Variants in TRUB2 observed in about 807,000 individuals in gnomAD.
TRUB2 encodes the protein pseudouridylate synthase TRUB2, mitochondrial.
Under a neutral mutation model 31.9 loss-of-function variants are expected in TRUB2, and 31 were observed. The observed-to-expected ratio is 0.97, with a 90% CI of 0.73 to 1.31. TRUB2 has a LOEUF of 1.31. TRUB2 is among the 50% of genes most tolerant of loss of function. The pLI, the probability that TRUB2 is intolerant of heterozygous loss-of-function variation, is 0.00. For synonymous variants in TRUB2, 201 were observed against 182.6 expected (o/e 1.10, Z -0.81); for missense variants, 451 against 439.6 (o/e 1.03, Z -0.23).
In TRUB2 at chr9:128,309,402, C is replaced by CA; in HGVS notation, c.*147dup. ...AGAAGTTTTTCCTTCTCAGTTGGGT[C>CA]AAGTCCATTGACCTTTCTGTTACAG... On this transcript the variant is annotated 3_prime_UTR_variant, in exon 8 of 8. Transcript: ENST00000372890. 1.2e-6 allele frequency: 1 copy of CA among 823,490 alleles called. No individual in the cohort carries two copies. Among genetic ancestry groups the CA allele is most frequent in the South Asian group, 1.8e-5 (1 of 56,074 alleles). 51.0% of individuals were successfully genotyped at this position (823,490 alleles called of 1,614,324 possible). A position where few individuals can be genotyped will look rare whatever the true frequency, so the allele number is the denominator to read the frequency against.
At chr9:128,319,142 T>C (rs1001238479) in intron 2 of TRUB2, among the ~76,000 whole-genome samples, 2 of 151,740 alleles carry the variant, frequency 1.3e-5, no homozygotes, top group Non-Finnish European at 2.9e-5. Context: ...CTGCCTAACA[T>C]GGTGAAACCC....
Position 128,310,933 on chromosome 9 carries a change from T to C in TRUB2, c.624A>G (p.Ile208Met). 3 of 1,614,220 alleles carry C rather than the reference T, an allele frequency of 1.9e-6. No individual in the cohort carries two copies. The South Asian group carries it at 3.3e-5, about 18-fold the overall frequency. ...CAAAGTAGAGGCATCGGATGCCAGT[T>C]ATCAGCATCGGGGACTTGTTCATGG... ...IRPMNKSPML[I>M]TGIRCLYFAP... Residue 208 changes from isoleucine to methionine, a missense_variant, in exon 7 of 8, where the codon ATA becomes ATG. Ile to Met is a conservative substitution (Grantham distance 10). Transcript: ENST00000372890.
chr9:128,319,199 G>A (rs1336577495), intron 2 of TRUB2, among the ~76,000 whole-genome samples: 6 of 151,932 alleles, frequency 3.9e-5, no homozygotes, highest in Admixed American at 2.6e-4. Flanking sequence ...GGTGGCGGGC[G>A]CCTGTAGTCC....
At position 128,309,773 on chromosome 9, in the gene TRUB2, G is replaced by A. The variant is rs745336886; in HGVS notation, c.773C>T (p.Thr258Met). Reference protein sequence around the residue: ...TTAVCTQVRRTRDGFFTLDSA... With the variant: ...TTAVCTQVRRMRDGFFTLDSA... ...GTCTAGCGTGAAGAAGCCGTCGCGC[G>A]TGCGCCGCACTTGGGTGCAGACAGC... The change falls in exon 8 of 8, where the codon ACG (threonine) becomes ATG (methionine). Residue 258 changes from threonine (T) to methionine (M), a missense_variant. Transcript: ENST00000372890. 35 of 1,614,114 alleles carry A rather than the reference G, an allele frequency of 2.2e-5. No homozygotes were observed. Among genetic ancestry groups the A allele is most frequent in the East Asian group, 2.0e-4 (9 of 44,900 alleles).
chr9:128,322,412 T>G lies in TRUB2; in HGVS notation c.-4A>C. ...GCGACAAGCCAGCAGACCCCATACTTGAAGATCACAGCACCCGCTGGACCT... is the reference window on the plus strand; with the variant it reads ...GCGACAAGCCAGCAGACCCCATACTGGAAGATCACAGCACCCGCTGGACCT... On this transcript the variant is annotated 5_prime_UTR_variant, in exon 1 of 8. Coordinates refer to ENST00000372890, the MANE Select transcript of TRUB2 (RefSeq NM_015679.3). 1 of 1,613,978 alleles carries G rather than the reference T, an allele frequency of 6.2e-7. No individual in the cohort carries two copies. The highest frequency in any genetic ancestry group is 8.5e-7 in the Non-Finnish European group (1 of 1,179,956).
chr9:128,317,107 T>C (rs1043129844), intron 3 of TRUB2, 45 bp downstream of exon 3: 1 of 1,528,028 alleles, frequency 6.5e-7, no homozygotes, highest in Admixed American at 2.0e-5. Context: ...CAGGATCTTT[T>C]CTCAAGCCTT....
intron 1 of TRUB2, 114 bp downstream of exon 1, chr9:128,322,186 C>T: frequency 1.2e-6 from 1 of 803,192 alleles, no homozygotes; most frequent in Non-Finnish European, 2.0e-6. Flanking sequence ...TTTGGGAAAG[C>T]GCTCTGCCCA....
chr9:128,318,095 G>C (rs1038304008), intron 2 of TRUB2, among the ~76,000 whole-genome samples: 2 of 152,154 alleles, frequency 1.3e-5, no homozygotes, highest in Non-Finnish European at 2.9e-5. Flanking sequence ...TGTAATCCCA[G>C]CACTTTGGGA....
In TRUB2 at chr9:128,309,542, C is replaced by T; in HGVS notation, c.*8G>A. 1 of 1,600,168 alleles carries T rather than the reference C, an allele frequency of 6.2e-7. No individual in the cohort carries two copies. The highest frequency in any genetic ancestry group is 8.5e-7 in the Non-Finnish European group (1 of 1,169,958). Reference sequence around the variant, plus strand: ...ATCCATCCACTGCCCCAGGAGCTGCCTGGGCATTCACTGCCCCGCACCCCT... The same window carrying T: ...ATCCATCCACTGCCCCAGGAGCTGCTTGGGCATTCACTGCCCCGCACCCCT... On this transcript the variant is annotated 3_prime_UTR_variant, in exon 8 of 8. Transcript: ENST00000372890.
At position 128,321,575 on chromosome 9, in the gene TRUB2, G is replaced by A. The variant is rs775917836; in HGVS notation, c.241+24C>T. 2.5e-6 allele frequency: 4 copies of A among 1,613,010 alleles called. No homozygotes were observed. In the African/African-American group the frequency reaches 5.3e-5, roughly 22 times the overall value. On this transcript the variant is annotated intron_variant, in intron 2 of 7. Transcript: ENST00000372890. ...GGGATTTCCTGGGAAGTGACACACA[G>A]GATCCTGCTTAAATCTGCCTTACCC...
In TRUB2 at chr9:128,306,455, T is replaced by C. The variant is rs2131437787; in HGVS notation, c.*3095A>G. The C allele has an allele frequency of 1.3e-5, 2 of 151,328 alleles. No homozygotes were observed. The highest frequency in any genetic ancestry group is 4.2e-4 in the South Asian group (2 of 4,768). The allele number at this position is 151,328 out of a possible 1,614,324, so 9.4% of individuals were successfully genotyped here. A position where few individuals can be genotyped will look rare whatever the true frequency, so the allele number is the denominator to read the frequency against. ...GTTCTGATTTTTCTCTTTTTTTTTT[T>C]TTTTTGAGACAGAGTCTCACTCTGT... On this transcript the variant is annotated 3_prime_UTR_variant, in exon 8 of 8. Transcript: ENST00000372890.
Position 128,321,734 on chromosome 9 carries a change from A to C in TRUB2, c.110-4T>G. Reference sequence around the variant, plus strand: ...GGAGGCTTCCTGGCATTGAGACCTGAACACACAGAGATAATATATACACAC... The same window carrying C: ...GGAGGCTTCCTGGCATTGAGACCTGCACACACAGAGATAATATATACACAC... On this transcript the variant is annotated splice_region_variant and splice_polypyrimidine_tract_variant and intron_variant, in intron 1 of 7. Coordinates refer to ENST00000372890, the MANE Select transcript of TRUB2 (RefSeq NM_015679.3). The C allele has an allele frequency of 6.2e-7, 1 of 1,613,066 alleles. No individual in the cohort carries two copies. The highest frequency in any genetic ancestry group is 8.5e-7 in the Non-Finnish European group (1 of 1,179,902).
intron 7 of TRUB2, 40 bp downstream of exon 7, chr9:128,310,847 G>A (rs372405220): frequency 4.2e-5 from 67 of 1,611,394 alleles, no homozygotes; most frequent in Middle Eastern, 1.7e-4. Flanking sequence ...CCAAACCTAC[G>A]GGTCCCATCT....
rs1458168332 is a variant in TRUB2 at position 128,311,604 on chromosome 9, G to A, written c.461-3C>T. The stretch of plus-strand genomic sequence containing the variant: ...CAGCTTCTCTCTGGTCACGTGGTCT[G>A]GAAAAGGCAGGGGGTTGTCAATGTA... On this transcript the variant is annotated splice_region_variant and splice_polypyrimidine_tract_variant and intron_variant, in intron 5 of 7. Coordinates refer to ENST00000372890, the MANE Select transcript of TRUB2 (RefSeq NM_015679.3). 2 of 1,613,844 alleles carry A rather than the reference G, an allele frequency of 1.2e-6. No homozygotes were observed. Among genetic ancestry groups the A allele is most frequent in the East Asian group, 4.5e-5 (2 of 44,876 alleles).
Position 128,309,516 on chromosome 9 carries a change from T to C in TRUB2, c.*34A>G. The C allele has an allele frequency of 6.3e-7, 1 of 1,583,414 alleles. No individual in the cohort carries two copies. The highest frequency in any genetic ancestry group is 8.6e-7 in the Non-Finnish European group (1 of 1,161,502). On this transcript the variant is annotated 3_prime_UTR_variant, in exon 8 of 8. Transcript: ENST00000372890. Reference sequence around the variant, plus strand: ...TCCAGCTCATAGCAGTTCTTCTATTTATCCATCCACTGCCCCAGGAGCTGC... The same window carrying C: ...TCCAGCTCATAGCAGTTCTTCTATTCATCCATCCACTGCCCCAGGAGCTGC...
chr9:128,310,971 CT>C lies in TRUB2; in HGVS notation c.585del (p.Gly196AlafsTer2). The C allele has an allele frequency of 6.2e-7, 1 of 1,614,256 alleles. No homozygotes were observed. Among genetic ancestry groups the C allele is most frequent in the Non-Finnish European group, 8.5e-7 (1 of 1,180,052 alleles). Reference sequence around the variant, plus strand: ...GACTTGTTCATGGGCCGGATCAGGCCTCTCACGGCCATCTCATAGGCCTCCT... The same window carrying C: ...GACTTGTTCATGGGCCGGATCAGGCCCTCACGGCCATCTCATAGGCCTCCT... The part of the protein sequence containing the change: ...KTQEAYEMAV[R>X]GLIRPMNKSP... On this transcript the variant is annotated frameshift_variant, in exon 7 of 8. Coordinates refer to ENST00000372890, the MANE Select transcript of TRUB2 (RefSeq NM_015679.3). LOFTEE classifies it high-confidence loss of function.
At position 128,311,558 on chromosome 9, in the gene TRUB2, G is replaced by A; in HGVS notation, c.504C>T (p.Ile168=). ...CCAGGGCCTTCTGATGGGAGCCTTG[G>A]ATAACGGCCAGAATGCGGTCCAGCT... ...REKLDRILAV[I]QGSHQKALVM... is the part of the protein sequence containing the mutation. The change falls in exon 6 of 8, where the codon ATC becomes ATT. Residue 168 remains isoleucine (I), a synonymous_variant. Transcript: ENST00000372890. The A allele has an allele frequency of 6.2e-7, 1 of 1,614,144 alleles. No individual in the cohort carries two copies. Among genetic ancestry groups the A allele is most frequent in the Non-Finnish European group, 8.5e-7 (1 of 1,180,010 alleles).
intron 5 of TRUB2, among the ~76,000 whole-genome samples, chr9:128,312,807 T>C (rs978355904): frequency 6.6e-6 from 1 of 151,590 alleles, no homozygotes; most frequent in African/African-American, 2.4e-5. Flanking sequence ...TAGAGACGGG[T>C]TTTACCATAT....
intron 2 of TRUB2, among the ~76,000 whole-genome samples, chr9:128,318,785 C>T (rs191323162): frequency 6.2e-4 from 95 of 152,022 alleles, no homozygotes; most frequent in South Asian, 1.2e-3. Flanking sequence ...CCGCCTGCCT[C>T]GGCCTCCCAA....
Sources: allele counts gnomAD v4.1 joint callset (sites outside exome capture counted in the v4.1 genomes callset), GRCh38; gene constraint gnomAD v4.1.1; transcripts MANE v1.5; gene names NCBI Gene and HGNC (gene_info 2026-07-23, HGNC 2026-07-21).